Variants in FBXL17 observed in about 807,000 individuals in gnomAD.
FBXL17 encodes F-box/LRR-repeat protein 17.
FBXL17 carries 22 observed loss-of-function variants against 66.2 expected under a neutral mutation model. That is an observed-to-expected ratio of 0.33 (90% CI 0.24 to 0.47). The LOEUF is 0.47. FBXL17 is among the 20% of genes least tolerant of loss of function. The pLI, the probability that FBXL17 is intolerant of heterozygous loss-of-function variation, is 1.00. For synonymous variants in FBXL17, 474 were observed against 400.5 expected (o/e 1.18, Z -2.19); for missense variants, 878 against 948.2 (o/e 0.93, Z 0.97).
intron 7 of FBXL17, among the ~76,000 whole-genome samples, chr5:107,896,947 T>C (rs1749405746): frequency 6.6e-6 from 1 of 152,024 alleles, no homozygotes. Context: ...GGCATACCTA[T>C]AGACTTTAGT....
chr5:108,073,709 T>C (rs561370422), intron 6 of FBXL17, among the ~76,000 whole-genome samples: 1 of 152,296 alleles, frequency 6.6e-6, no homozygotes, highest in African/African-American at 2.4e-5. Context: ...CTCAGTGTCA[T>C]ATTTATAAAT....
intron 6 of FBXL17, among the ~76,000 whole-genome samples, chr5:108,158,810 G>C (rs1240145202): frequency 6.6e-6 from 1 of 152,078 alleles, no homozygotes; most frequent in African/African-American, 2.4e-5. Flanking sequence ...GGAAGTTTAA[G>C]GTAATCAACC....
At chr5:107,963,031 A>T (rs945006554) in intron 7 of FBXL17, among the ~76,000 whole-genome samples, 3 of 152,198 alleles carry the variant, frequency 2.0e-5, no homozygotes, top group Non-Finnish European at 4.4e-5. Flanking sequence ...CCAGTGAAGG[A>T]AAAAAACACT....
intron 6 of FBXL17, among the ~76,000 whole-genome samples, chr5:108,145,721 A>G (rs1368926143): frequency 2.6e-5 from 4 of 152,112 alleles, no homozygotes; most frequent in Non-Finnish European, 4.4e-5. Flanking sequence ...TGAAATCAGA[A>G]CTTTAAGTGG....
chr5:108,125,241 A>G lies in FBXL17; in HGVS notation c.1745+60876T>C, dbSNP rs1335761812. 2.6e-5 allele frequency among the ~76,000 whole-genome samples: 4 copies of G among 152,200 alleles called. 1 individual carries two copies. In the South Asian group the frequency reaches 8.3e-4, roughly 32 times the overall value. On this transcript the variant is annotated intron_variant, in intron 6 of 8. Transcript: ENST00000542267. Reference sequence around the variant, plus strand: ...TATCTTGATGTGATTATTAAACATTATACGCCTATATCAAAATATTTCATG... The same window carrying G: ...TATCTTGATGTGATTATTAAACATTGTACGCCTATATCAAAATATTTCATG...
intron 7 of FBXL17, among the ~76,000 whole-genome samples, chr5:107,884,806 T>C (rs1748910711): frequency 6.6e-6 from 1 of 152,198 alleles, no homozygotes; most frequent in Admixed American, 6.5e-5. Flanking sequence ...ATGAGATTGG[T>C]CTGTGGCTCA....
At chr5:108,055,630 A>AAAAAAAAG (rs1554060745) in intron 6 of FBXL17, among the ~76,000 whole-genome samples, 3 of 149,112 alleles carry the variant, frequency 2.0e-5, no homozygotes, top group Admixed American at 6.7e-5. Context: ...AAAAAAAAAA[A>AAAAAAAAG]AGAGAGAAAA....
chr5:108,004,721 C>A lies in FBXL17; in HGVS notation c.1822+16204G>T, dbSNP rs980648660. Among the ~76,000 whole-genome samples, 3 of 152,104 alleles carry A rather than the reference C, an allele frequency of 2.0e-5. 1 individual carries two copies. Among genetic ancestry groups the A allele is most frequent in the Non-Finnish European group, 4.4e-5 (3 of 68,022 alleles). On this transcript the variant is annotated intron_variant, in intron 7 of 8. Coordinates refer to ENST00000542267, the MANE Select transcript of FBXL17 (RefSeq NM_001163315.3). ...GAGGAATCAGCATTTTCTCACAGCT[C>A]CTATAGCTCTGAAGCTTGAAAAATT...
At chr5:107,961,992 G>A (rs1365900351) in intron 7 of FBXL17, among the ~76,000 whole-genome samples, 4 of 152,114 alleles carry the variant, frequency 2.6e-5, no homozygotes, top group African/African-American at 9.7e-5. Context: ...ACAGTGAAAT[G>A]CCTTTGGAAT....
Position 107,904,389 on chromosome 5 carries a change from T to C in FBXL17, c.1823-23210A>G, listed in dbSNP as rs114618334. Among the ~76,000 whole-genome samples the C allele has an allele frequency of 1.9e-3, 293 of 152,232 alleles. 1 individual carries two copies. The highest frequency in any genetic ancestry group is 6.7e-3 in the African/African-American group (279 of 41,532). ...CTCCAACCCCACTGACTCTGCTCTATTTGGATCCTCATCATCTCTCCCCAG... is the reference window on the plus strand; with the variant it reads ...CTCCAACCCCACTGACTCTGCTCTACTTGGATCCTCATCATCTCTCCCCAG... On this transcript the variant is annotated intron_variant, in intron 7 of 8. Transcript: ENST00000542267.
chr5:107,930,722 T>C (rs933163295), intron 7 of FBXL17, among the ~76,000 whole-genome samples: 3 of 152,238 alleles, frequency 2.0e-5, no homozygotes, highest in African/African-American at 7.2e-5. Context: ...TAAGTTCTTT[T>C]ATATTTCATT....
intron 6 of FBXL17, among the ~76,000 whole-genome samples, chr5:108,023,285 A>G (rs750691990): frequency 6.6e-6 from 1 of 152,178 alleles, no homozygotes. Flanking sequence ...TATTAATTTT[A>G]TATCTGTTAT....
intron 7 of FBXL17, among the ~76,000 whole-genome samples, chr5:107,932,501 A>G (rs190454964): frequency 6.6e-6 from 1 of 152,310 alleles, no homozygotes; most frequent in African/African-American, 2.4e-5. Context: ...ATTTGATTAA[A>G]TAGTTTGAAA....
chr5:108,300,253 A>T lies in FBXL17; in HGVS notation c.1506+48146T>A, dbSNP rs181299240. On this transcript the variant is annotated intron_variant, in intron 4 of 8. Transcript: ENST00000542267. ...AAAAAATATAGCATCGAGGAAAAAA[A>T]TATGTATCTATCCTTCAATATTCAA... Among the ~76,000 whole-genome samples the T allele has an allele frequency of 7.9e-4, 120 of 152,116 alleles. 1 individual carries two copies. The highest frequency in any genetic ancestry group is 2.0e-3 in the Admixed American group (31 of 15,240).
intron 4 of FBXL17, among the ~76,000 whole-genome samples, chr5:108,234,371 G>A (rs1755503818): frequency 6.6e-6 from 1 of 152,130 alleles, no homozygotes; most frequent in African/African-American, 2.4e-5. Flanking sequence ...ATAATATTGA[G>A]AGGCATAATT....
chr5:108,371,094 G>T (rs1183052387), intron 1 of FBXL17, among the ~76,000 whole-genome samples: 3 of 152,120 alleles, frequency 2.0e-5, no homozygotes, highest in African/African-American at 4.8e-5. Flanking sequence ...CCAGGAAAAT[G>T]GGCCTCTGCA....
intron 4 of FBXL17, among the ~76,000 whole-genome samples, chr5:108,240,112 C>A (rs1188936047): frequency 6.6e-6 from 1 of 151,934 alleles, no homozygotes; most frequent in East Asian, 1.9e-4. Flanking sequence ...GCTGGCTTCA[C>A]GTGTGTCTCA....
At chr5:108,129,720 A>T (rs1169683442) in intron 6 of FBXL17, among the ~76,000 whole-genome samples, 1 of 152,018 alleles carries the variant, frequency 6.6e-6, no homozygotes, top group Non-Finnish European at 1.5e-5. Context: ...GTAATTCATT[A>T]CCACAATAGA....
chr5:108,364,110 C>G (rs1449485453), intron 3 of FBXL17, among the ~76,000 whole-genome samples: 1 of 151,878 alleles, frequency 6.6e-6, no homozygotes, highest in Non-Finnish European at 1.5e-5. Flanking sequence ...AGAGTCTTCC[C>G]AAATTTCTTT....
Sources: allele counts gnomAD v4.1 joint callset (sites outside exome capture counted in the v4.1 genomes callset), GRCh38; gene constraint gnomAD v4.1.1; transcripts MANE v1.5; gene names NCBI Gene and HGNC (gene_info 2026-07-23, HGNC 2026-07-21).